The following NCALD variants were observed in gnomAD, a reference collection of about 807,000 sequenced individuals.
NCALD encodes neurocalcin-delta.
NCALD carries 10 observed loss-of-function variants against 18.6 expected under a neutral mutation model. The ratio of observed to expected loss-of-function variants is 0.54; its 90% CI spans 0.33 to 0.91. The LOEUF (loss-of-function observed/expected upper bound fraction) is 0.91. Ranked by LOEUF, NCALD falls within the 40% of genes least tolerant of loss-of-function variation. The pLI is 0.03. For synonymous variants in NCALD, 88 were observed against 87.4 expected (o/e 1.01, Z -0.04); for missense variants, 184 against 247.6 (o/e 0.74, Z 1.72).
chr8:101,816,039 G>C (rs1194042849), intron 4 of NCALD, among the ~76,000 whole-genome samples: 1 of 152,094 alleles, frequency 6.6e-6, no homozygotes, highest in East Asian at 1.9e-4. Flanking sequence ...AAGACAATAT[G>C]AAAAGGCTAC....
intron 1 of NCALD, among the ~76,000 whole-genome samples, chr8:102,100,021 C>G (rs1825227055): frequency 9.2e-6 from 1 of 108,244 alleles, no homozygotes; most frequent in Non-Finnish European, 1.9e-5. Flanking sequence ...AAAGAAATAG[C>G]AGTCTCTGAA....
intron 1 of NCALD, among the ~76,000 whole-genome samples, chr8:101,720,765 C>G (rs1251337167): frequency 1.3e-5 from 2 of 152,196 alleles, no homozygotes; most frequent in Non-Finnish European, 2.9e-5. Context: ...AAGTTATTTT[C>G]TCAATGTATA....
intron 1 of NCALD, among the ~76,000 whole-genome samples, chr8:101,734,324 A>G (rs1816980734): frequency 6.6e-6 from 1 of 152,086 alleles, no homozygotes. Context: ...GCCTTCTCTG[A>G]CCACCCGGAA....
At chr8:101,752,734 A>G (rs1305303458) in intron 1 of NCALD, among the ~76,000 whole-genome samples, 1 of 152,256 alleles carries the variant, frequency 6.6e-6, no homozygotes, top group Non-Finnish European at 1.5e-5. Flanking sequence ...AATAAGGTAC[A>G]GCCCTGCTCT....
chr8:102,086,482 C>T (rs138394732), intron 1 of NCALD, among the ~76,000 whole-genome samples: 2 of 152,138 alleles, frequency 1.3e-5, no homozygotes, highest in African/African-American at 2.4e-5. Flanking sequence ...TCAAGTGGCT[C>T]CAAGAATCTG....
At chr8:102,060,067 G>T (rs575321269) in intron 1 of NCALD, among the ~76,000 whole-genome samples, 6 of 152,086 alleles carry the variant, frequency 3.9e-5, no homozygotes, top group Non-Finnish European at 7.4e-5. Flanking sequence ...TGCAAGCTTC[G>T]CCTCCCAGGT....
chr8:101,849,730 C>G (rs73696518), intron 4 of NCALD, among the ~76,000 whole-genome samples: 2,936 of 152,202 alleles, frequency 0.019, 108 homozygotes, highest in African/African-American at 0.064. Flanking sequence ...TTCCATAAAT[C>G]TGCCCTGAAC....
chr8:102,002,564 C>G (rs1821518296), intron 2 of NCALD, among the ~76,000 whole-genome samples: 1 of 152,172 alleles, frequency 6.6e-6, no homozygotes, highest in Non-Finnish European at 1.5e-5. Flanking sequence ...CCCAAATCAA[C>G]AGAATATACA....
rs16868345 is a variant in NCALD, at chr8:101,754,076, T to C, written c.-19-34428A>G. ...GAAGTGCTTTCACCTTATGTCCTCATTGGACCCTCCTAACAGCCCTGGGGG... is the reference window on the plus strand; with the variant it reads ...GAAGTGCTTTCACCTTATGTCCTCACTGGACCCTCCTAACAGCCCTGGGGG... On this transcript the variant is annotated intron_variant, in intron 1 of 3. Coordinates refer to ENST00000220931, the MANE Select transcript of NCALD (RefSeq NM_032041.3). Among the ~76,000 whole-genome samples the C allele has an allele frequency of 5.5e-3, 845 of 152,266 alleles. 11 individuals carry two copies. Among genetic ancestry groups the C allele is most frequent in the African/African-American group, 0.018 (737 of 41,552 alleles).
chr8:102,052,707 G>A (rs528082295), intron 1 of NCALD, among the ~76,000 whole-genome samples: 2 of 152,146 alleles, frequency 1.3e-5, no homozygotes, highest in African/African-American at 2.4e-5. Flanking sequence ...AACTTTTCCC[G>A]TAAAGGCCAG....
chr8:101,815,331 T>C (rs1231649212), intron 4 of NCALD, among the ~76,000 whole-genome samples: 1 of 152,044 alleles, frequency 6.6e-6, no homozygotes, highest in Non-Finnish European at 1.5e-5. Flanking sequence ...GTCATCTGAT[T>C]TTTGGCAAAG....
chr8:101,883,051 T>C (rs1816546275), intron 4 of NCALD, among the ~76,000 whole-genome samples: 1 of 152,208 alleles, frequency 6.6e-6, no homozygotes, highest in Admixed American at 6.5e-5. Context: ...ATATTAAATA[T>C]ATAAGGTATA....
At chr8:101,867,135 C>G (rs894740638) in intron 4 of NCALD, among the ~76,000 whole-genome samples, 3 of 152,184 alleles carry the variant, frequency 2.0e-5, no homozygotes, top group Admixed American at 6.5e-5. Flanking sequence ...GGTCTCCCAC[C>G]AAGTATCTGC....
intron 2 of NCALD, among the ~76,000 whole-genome samples, chr8:101,707,975 AGT>A (rs1437479102): frequency 6.6e-6 from 1 of 152,208 alleles, no homozygotes; most frequent in Non-Finnish European, 1.5e-5. Flanking sequence ...AAGTAGTAAA[AGT>A]GCTGATTACA....
chr8:102,018,240 T>A (rs1822155514), intron 2 of NCALD, among the ~76,000 whole-genome samples: 1 of 152,184 alleles, frequency 6.6e-6, no homozygotes, highest in South Asian at 2.1e-4. Context: ...ATCCCACTCC[T>A]AGTAATTTAC....
At chr8:102,052,035 G>C (rs1293716350) in intron 1 of NCALD, among the ~76,000 whole-genome samples, 2 of 152,314 alleles carry the variant, frequency 1.3e-5, no homozygotes, top group Middle Eastern at 3.4e-3. Context: ...CTACAAAGAA[G>C]CTGAATGTAA....
intron 1 of NCALD, among the ~76,000 whole-genome samples, chr8:101,728,311 A>T (rs146646376): frequency 1.2e-4 from 18 of 152,306 alleles, no homozygotes; most frequent in African/African-American, 4.1e-4. Flanking sequence ...TGAAAGCTCC[A>T]TGACTTAATT....
intron 1 of NCALD, among the ~76,000 whole-genome samples, chr8:102,103,609 T>C (rs116409329): frequency 0.017 from 2,626 of 152,084 alleles, 102 homozygotes; most frequent in African/African-American, 0.06. Flanking sequence ...GCCTGGAGGG[T>C]GGTGGTGCAG....
chr8:101,879,695 T>C lies in NCALD; in HGVS notation c.-20+7446A>G, dbSNP rs1197780994. Among the ~76,000 whole-genome samples the C allele has an allele frequency of 2.0e-5, 3 of 152,304 alleles. No individual in the cohort carries two copies. The East Asian group carries it at 5.8e-4, about 29-fold the overall frequency. ...TTGGTCTGTTTTACAGAGCACTCAT[T>C]GGTCCGTTTTGACAGGGTGCTGATT... On this transcript the variant is annotated intron_variant, in intron 4 of 6. Transcript: ENST00000311028.
Sources: gnomAD v4.1 joint callset for allele counts (sites outside exome capture counted in the v4.1 genomes callset) on GRCh38, gnomAD v4.1.1 for gene constraint, MANE v1.5 for transcripts, NCBI Gene and HGNC (gene_info 2026-07-23, HGNC 2026-07-21) for gene names.